TENM2: variants seen among roughly 807,000 people sequenced by gnomAD.
TENM2 encodes teneurin-2.
In TENM2, 52 loss-of-function variants were observed where a neutral mutation model predicts 245.2. The ratio of observed to expected loss-of-function variants is 0.21; its 90% CI spans 0.17 to 0.27. TENM2 has a LOEUF of 0.27. TENM2 is among the 10% of genes least tolerant of loss of function. The probability of loss-of-function intolerance (pLI) is 1.00; values close to 1 mark genes in which losing one functional copy is unlikely to be tolerated. For synonymous variants in TENM2, 1,363 were observed against 1,438.9 expected, an observed-to-expected ratio of 0.95 and a Z score of 1.19; for missense variants, 3,046 against 3,666.8, an observed-to-expected ratio of 0.83 and a Z score of 4.37.
chr5:168,260,171 C>T (rs1293820242), intron 27 of TENM2, 112 bp from the exon 30 acceptor site: 2 of 1,131,986 alleles, frequency 1.8e-6, no homozygotes, highest in South Asian at 1.4e-5. Flanking sequence ...TCCTCCCTCC[C>T]CTTTGGGCCC....
chr5:167,332,592 C>A (rs1203558688), intron 1 of TENM2, among the ~76,000 whole-genome samples: 1 of 152,144 alleles, frequency 6.6e-6, no homozygotes, highest in Admixed American at 6.6e-5. Flanking sequence ...CAGTTTCATC[C>A]CCATGAGTAG....
At chr5:168,096,284 A>G (rs1303877485) in intron 8 of TENM2, among the ~76,000 whole-genome samples, 6 of 152,198 alleles carry the variant, frequency 3.9e-5, no homozygotes, top group African/African-American at 1.4e-4. Flanking sequence ...TGATTTGCTG[A>G]TCTACAAAAG....
chr5:167,307,428 G>A (rs2127746925), intron 1 of TENM2, among the ~76,000 whole-genome samples: 1 of 152,312 alleles, frequency 6.6e-6, no homozygotes, highest in South Asian at 2.1e-4. Flanking sequence ...TGTCATTGAT[G>A]TGACAGATGC....
chr5:167,033,314 A>G, the TENM2 span, among the ~76,000 whole-genome samples: 3 of 152,248 alleles, frequency 2.0e-5, no homozygotes, highest in Non-Finnish European at 4.4e-5. Context: ...CTAATATACA[A>G]CATTGCTGAT....
intron 7 of TENM2, among the ~76,000 whole-genome samples, chr5:168,070,821 A>AGAGAGAGAGAGAGAG (rs1562121012): frequency 1.9e-4 from 19 of 100,452 alleles, no homozygotes; most frequent in African/African-American, 5.7e-4. Flanking sequence ...GAGAGAGAGA[A>AGAGAGAGAGAGAGAG]AAAAAGAAAG....
chr5:167,797,650 T>A (rs1765417867), intron 2 of TENM2, among the ~76,000 whole-genome samples: 1 of 152,214 alleles, frequency 6.6e-6, no homozygotes. Flanking sequence ...AATATGTTCC[T>A]TTCAAATTGT....
chr5:167,376,875 T>A (rs986261899), intron 2 of TENM2, among the ~76,000 whole-genome samples: 2 of 152,244 alleles, frequency 1.3e-5, no homozygotes, highest in Non-Finnish European at 1.5e-5. Context: ...GTGTGTCATA[T>A]ACTATTTAAA....
chr5:167,360,455 C>T (rs1759641095), intron 1 of TENM2, among the ~76,000 whole-genome samples: 1 of 152,106 alleles, frequency 6.6e-6, no homozygotes, highest in African/African-American at 2.4e-5. Flanking sequence ...TTCTTCCGGC[C>T]CAGGGTCGCA....
intron 13 of TENM2, among the ~76,000 whole-genome samples, chr5:168,181,805 T>C (rs1481504874): frequency 6.7e-6 from 1 of 148,356 alleles, no homozygotes; most frequent in Non-Finnish European, 1.5e-5. Context: ...GCCTCCCAAA[T>C]AGCTGGGACT....
intron 23 of TENM2, among the ~76,000 whole-genome samples, chr5:168,225,733 C>G (rs916883108): frequency 2.0e-5 from 3 of 149,180 alleles, no homozygotes; most frequent in African/African-American, 7.5e-5. Context: ...TGCACTCCAG[C>G]CTGGGACAGA....
At chr5:168,149,126 G>A (rs1756405630) in intron 12 of TENM2, among the ~76,000 whole-genome samples, 2 of 152,158 alleles carry the variant, frequency 1.3e-5, no homozygotes, top group Admixed American at 6.5e-5. Context: ...TGGAGTCGCT[G>A]TGTTAAGAAA....
the TENM2 span, among the ~76,000 whole-genome samples, chr5:167,059,611 G>C: frequency 2.7e-5 from 4 of 150,870 alleles, no homozygotes; most frequent in South Asian, 8.4e-4. Context: ...TCTGGGAGTT[G>C]ATAACCACTG....
At chr5:168,023,035 G>A (rs768949911) in intron 5 of TENM2, among the ~76,000 whole-genome samples, 1 of 152,162 alleles carries the variant, frequency 6.6e-6, no homozygotes, top group African/African-American at 2.4e-5. Flanking sequence ...CCACAGCTCG[G>A]GCAGGAGGGA....
At chr5:167,075,648 C>T in the TENM2 span, among the ~76,000 whole-genome samples, 1 of 152,072 alleles carries the variant, frequency 6.6e-6, no homozygotes, top group African/African-American at 2.4e-5. Context: ...AACGTGTTGC[C>T]GTCATGTGAT....
intron 2 of TENM2, among the ~76,000 whole-genome samples, chr5:167,812,954 G>A (rs1766750793): frequency 6.6e-6 from 1 of 152,150 alleles, no homozygotes; most frequent in African/African-American, 2.4e-5. Context: ...AAAAAGGCAG[G>A]CTACAGGGCA....
At chr5:167,558,198 G>A (rs1177500463) in intron 2 of TENM2, among the ~76,000 whole-genome samples, 1 of 152,174 alleles carries the variant, frequency 6.6e-6, no homozygotes, top group Non-Finnish European at 1.5e-5. Flanking sequence ...TGAATTTTCT[G>A]GATCCTGGGG....
chr5:168,258,128 C>T (rs1044629772), intron 27 of TENM2, among the ~76,000 whole-genome samples: 6 of 152,150 alleles, frequency 3.9e-5, no homozygotes, highest in African/African-American at 1.4e-4. Flanking sequence ...CCTACACATA[C>T]ACACAAGAAA....
chr5:167,535,539 C>T (rs552581433), intron 2 of TENM2, among the ~76,000 whole-genome samples: 12 of 152,238 alleles, frequency 7.9e-5, no homozygotes, highest in Admixed American at 3.9e-4. Context: ...TCATTGTGCA[C>T]GCATTTAGGG....
chr5:167,314,967 A>G (rs1756268903), intron 1 of TENM2, among the ~76,000 whole-genome samples: 1 of 151,970 alleles, frequency 6.6e-6, no homozygotes, highest in African/African-American at 2.4e-5. Context: ...CATATCTTAA[A>G]TGTTTTCCTT....
Sources: gnomAD v4.1 joint callset for allele counts (sites outside exome capture counted in the v4.1 genomes callset) on GRCh38, gnomAD v4.1.1 for gene constraint, MANE v1.5 for transcripts, NCBI Gene and HGNC (gene_info 2026-07-23, HGNC 2026-07-21) for gene names.